PYCR1: variants seen among roughly 807,000 people sequenced by gnomAD.
PYCR1 encodes the protein pyrroline-5-carboxylate reductase 1, mitochondrial.
In PYCR1, 19 loss-of-function variants were observed where a neutral mutation model predicts 22.9. The ratio of observed to expected loss-of-function variants is 0.83; its 90% confidence interval spans 0.58 to 1.22. The LOEUF is 1.22. PYCR1 is among the 50% of genes most tolerant of loss of function. The probability of loss-of-function intolerance (pLI) is 0.00; values close to 1 mark genes in which losing one functional copy is unlikely to be tolerated. For missense variants in PYCR1, 429 were observed against 431.3 expected, an observed-to-expected ratio of 0.99 and a Z score of 0.05; for synonymous variants, 175 against 180.5, an observed-to-expected ratio of 0.97 and a Z score of 0.24.
At position 81,932,970 on chromosome 17, in the gene PYCR1, TG is replaced by T. The variant is rs747011017; in HGVS notation, c.*243del. The T allele has an allele frequency of 9.3e-6, 15 of 1,609,994 alleles. No homozygotes were observed. In the East Asian group the frequency reaches 3.3e-4, roughly 36 times the overall value. ...GCTCTAGAGGAAGGTGGTCCTGACA[TG>T]GTTTGGGAGCAGAGAAGAAAGGAGG... On this transcript the variant is annotated 3_prime_UTR_variant, in exon 7 of 7. Transcript: ENST00000329875.
chr17:81,934,464 G>A lies in PYCR1; in HGVS notation c.659C>T (p.Ser220Leu). The change falls in exon 6 of 7, where the codon TCA (serine) becomes TTA (leucine). Residue 220 changes from serine to leucine, a missense_variant. Coordinates refer to ENST00000329875, the MANE Select transcript of PYCR1 (RefSeq NM_006907.4). The stretch of plus-strand genomic sequence containing the variant: ...CTTGAGCTGGCCTGGGTGCTGTTCT[G>A]AGTGCAGCAGCATCTTGGCAGCCCC... ...LLGAAKMLLH[S>L]EQHPGQLKDN... is the part of the protein sequence containing the mutation. 1.9e-6 allele frequency: 3 copies of A among 1,608,352 alleles called. No individual in the cohort carries two copies. The highest frequency in any genetic ancestry group is 2.5e-6 in the Non-Finnish European group (3 of 1,178,400).
Position 81,937,244 on chromosome 17 carries a change from T to C in PYCR1, c.-430A>G. On this transcript the variant is annotated 5_prime_UTR_variant, in exon 1 of 7. Coordinates refer to ENST00000329875, the MANE Select transcript of PYCR1 (RefSeq NM_006907.4). ...GAGCCCGACCCCAACCCAGCTACCG[T>C]GCGCGGGTCGTACCCACCCCTCAGC... 3 of 1,406,686 alleles carry C rather than the reference T, an allele frequency of 2.1e-6. No homozygotes were observed. Among genetic ancestry groups the C allele is most frequent in the East Asian group, 2.9e-5 (1 of 34,878 alleles). The allele number at this position is 1,406,686 out of a possible 1,614,324, so 87.1% of individuals were successfully genotyped here.
chr17:81,937,140 T>C lies in PYCR1; in HGVS notation c.-326A>G. On this transcript the variant is annotated 5_prime_UTR_variant, in exon 1 of 7. Transcript: ENST00000329875. Reference sequence around the variant, plus strand: ...AGAGGGAGGGCCCGGCGCCTAGGGGTCCCCCGTCTGGGTTCCCACCCCGCC... The same window carrying C: ...AGAGGGAGGGCCCGGCGCCTAGGGGCCCCCCGTCTGGGTTCCCACCCCGCC... 1 of 1,429,228 alleles carries C rather than the reference T, an allele frequency of 7.0e-7. No homozygotes were observed. Among genetic ancestry groups the C allele is most frequent in the Non-Finnish European group, 9.1e-7 (1 of 1,096,060 alleles). 88.5% of individuals were successfully genotyped at this position (1,429,228 alleles called of 1,614,324 possible). A position where few individuals can be genotyped will look rare whatever the true frequency, so the allele number is the denominator to read the frequency against.
intron 6 of PYCR1, 124 bp downstream of exon 6, chr17:81,934,202 T>G (rs759978682): frequency 1.0e-5 from 15 of 1,441,002 alleles, no homozygotes; most frequent in Non-Finnish European, 1.3e-5. Flanking sequence ...CCCTGTGTCC[T>G]GCGCAACACT....
In PYCR1 at chr17:81,937,137, G is replaced by A; in HGVS notation, c.-323C>T. 3 of 1,432,028 alleles carry A rather than the reference G, an allele frequency of 2.1e-6. No homozygotes were observed. The highest frequency in any genetic ancestry group is 3.0e-5 in the South Asian group (2 of 67,650). 88.7% of individuals were successfully genotyped at this position (1,432,028 alleles called of 1,614,324 possible). A position where few individuals can be genotyped will look rare whatever the true frequency, so the allele number is the denominator to read the frequency against. ...GGGAGAGGGAGGGCCCGGCGCCTAG[G>A]GGTCCCCCGTCTGGGTTCCCACCCC... is the stretch of plus-strand genomic sequence containing the variant. On this transcript the variant is annotated 5_prime_UTR_variant, in exon 1 of 7. Transcript: ENST00000329875.
chr17:81,934,747 T>C lies in PYCR1; in HGVS notation c.541-2A>G. The C allele has an allele frequency of 6.4e-7, 1 of 1,553,428 alleles. No homozygotes were observed. Among genetic ancestry groups the C allele is most frequent in the Non-Finnish European group, 8.7e-7 (1 of 1,148,554 alleles). ...CAGGGCATCCAGGGCTGTGAATGCCTGTGGGGAGAAGGCACCCTGAGCCTC... is the reference window on the plus strand; with the variant it reads ...CAGGGCATCCAGGGCTGTGAATGCCCGTGGGGAGAAGGCACCCTGAGCCTC... On this transcript the variant is annotated splice_acceptor_variant, in intron 4 of 6. Coordinates refer to ENST00000329875, the MANE Select transcript of PYCR1 (RefSeq NM_006907.4). LOFTEE classifies it high-confidence loss of function.
rs758465263 is a variant in PYCR1, at chr17:81,934,784, TCTC to T, written c.541-42_541-40del. Reference sequence around the variant, plus strand: ...GCACCCTGAGCCTCTCTCCTGGGCTTCTCCTCCTTCCCTTCTGGGCAAGCTCCA... The same window carrying T: ...GCACCCTGAGCCTCTCTCCTGGGCTTCTCCTTCCCTTCTGGGCAAGCTCCA... On this transcript the variant is annotated intron_variant, in intron 4 of 6. Coordinates refer to ENST00000329875, the MANE Select transcript of PYCR1 (RefSeq NM_006907.4). 953 of 1,539,280 alleles carry T rather than the reference TCTC, an allele frequency of 6.2e-4. 2 individuals are homozygous for T. Among genetic ancestry groups the T allele is most frequent in the Non-Finnish European group, 7.6e-4 (867 of 1,136,174 alleles).
chr17:81,934,005 G>C (rs2041075176), intron 6 of PYCR1, among the ~76,000 whole-genome samples: 1 of 152,224 alleles, frequency 6.6e-6, no homozygotes, highest in Non-Finnish European at 1.5e-5. Flanking sequence ...TCCTAATGTG[G>C]CTGGCCACCC....
Position 81,935,026 on chromosome 17 carries a change from C to G in PYCR1, c.440G>C (p.Arg147Thr), listed in dbSNP as rs1219734585. The G allele has an allele frequency of 3.1e-6, 5 of 1,610,322 alleles. No individual in the cohort carries two copies. Among genetic ancestry groups the G allele is most frequent in the African/African-American group, 1.3e-5 (1 of 74,896 alleles). The part of the protein sequence containing the change: ...TGTHAQVEDG[R>T]LMEQLLSSVG... ...GCTGCTCAGCAGCTGCTCCATGAGC[C>G]TCCCGTCCTCCACCTGGGCGTGCGT... is the stretch of plus-strand genomic sequence containing the variant. Residue 147 changes from arginine (R) to threonine (T), a missense_variant, in exon 4 of 7, where the codon AGG becomes ACG. Coordinates refer to ENST00000329875, the MANE Select transcript of PYCR1 (RefSeq NM_006907.4).
In PYCR1 at chr17:81,935,491, T is replaced by G. The variant is rs777125670; in HGVS notation, c.164A>C (p.His55Pro). 1 of 1,611,902 alleles carries G rather than the reference T, an allele frequency of 6.2e-7. No homozygotes were observed. The highest frequency in any genetic ancestry group is 1.1e-5 in the South Asian group (1 of 90,670). The change falls in exon 3 of 7, where the codon CAC becomes CCC. Residue 55 changes from histidine to proline, a missense_variant. Coordinates refer to ENST00000329875, the MANE Select transcript of PYCR1 (RefSeq NM_006907.4). ...ACTGTGCTGCACCGTCTCCTTGTTG[T>G]GGGGTGTCAACTTCACCCCCATCTT... Reference protein sequence around the residue: ...LRKMGVKLTPHNKETVQHSDV... With the variant: ...LRKMGVKLTPPNKETVQHSDV...
rs949276633 is a variant in PYCR1, at chr17:81,932,855, C to G, written c.*359G>C. Reference sequence around the variant, plus strand: ...GGATCCCACCTCTGCTGAGCCTTCACAGAGGGGGTCCTTGACCTTTGCTCT... The same window carrying G: ...GGATCCCACCTCTGCTGAGCCTTCAGAGAGGGGGTCCTTGACCTTTGCTCT... On this transcript the variant is annotated 3_prime_UTR_variant, in exon 7 of 7. Transcript: ENST00000329875. The G allele has an allele frequency of 9.4e-6, 15 of 1,598,562 alleles. No individual in the cohort carries two copies. The highest frequency in any genetic ancestry group is 1.2e-5 in the Non-Finnish European group (14 of 1,173,552).
Position 81,936,776 on chromosome 17 carries a change from A to G in PYCR1, c.39T>C (p.Phe13=), listed in dbSNP as rs546125979. 3.7e-6 allele frequency: 6 copies of G among 1,610,338 alleles called. No homozygotes were observed. The African/African-American group carries it at 6.7e-5, about 18-fold the overall frequency. Reference sequence around the variant, plus strand: ...CTGCTGTGAAGCCCTTGGCCAGGGCAAAAGCCAGCTGGCCAGCGCCGATGA... The same window carrying G: ...CTGCTGTGAAGCCCTTGGCCAGGGCGAAAGCCAGCTGGCCAGCGCCGATGA... The part of the protein sequence containing the change: ...VGFIGAGQLA[F]ALAKGFTAAG... Residue 13 remains phenylalanine, a synonymous_variant, in exon 1 of 7, where the codon TTT becomes TTC. Coordinates refer to ENST00000329875, the MANE Select transcript of PYCR1 (RefSeq NM_006907.4).
Position 81,934,315 on chromosome 17 carries a change from CG to C in PYCR1, c.797+10del, listed in dbSNP as rs2041093004. 6.2e-7 allele frequency: 1 copy of C among 1,612,528 alleles called. No individual in the cohort carries two copies. Among genetic ancestry groups the C allele is most frequent in the Non-Finnish European group, 8.5e-7 (1 of 1,179,934 alleles). ...CTGGAGACCAGGGAAGCGGGCAGCGCGGGGGCCCACCGTGTGCGGATGCAGG... is the reference window on the plus strand; with the variant it reads ...CTGGAGACCAGGGAAGCGGGCAGCGCGGGGCCCACCGTGTGCGGATGCAGG... On this transcript the variant is annotated intron_variant, in intron 6 of 6. Transcript: ENST00000329875.
intron 4 of PYCR1, 22 bp from the exon 5 acceptor site, chr17:81,934,767 A>G (rs1308504762): frequency 6.5e-7 from 1 of 1,545,142 alleles, no homozygotes; most frequent in Non-Finnish European, 8.8e-7. Context: ...AGGCACCCTG[A>G]GCCTCTCTCC....
chr17:81,933,715 G>A (rs140188307), intron 6 of PYCR1, among the ~76,000 whole-genome samples: 3,174 of 152,280 alleles, frequency 0.021, 108 homozygotes, highest in African/African-American at 0.072. Flanking sequence ...GGTGGCACTC[G>A]CAGAGTCTGA....
At position 81,932,994 on chromosome 17, in the gene PYCR1, A is replaced by C. The variant is rs1250051959; in HGVS notation, c.*220T>G. The stretch of plus-strand genomic sequence containing the variant: ...ATGGTTTGGGAGCAGAGAAGAAAGG[A>C]GGTTGAGGTTGGGGAATCCACCCCT... On this transcript the variant is annotated 3_prime_UTR_variant, in exon 7 of 7. Coordinates refer to ENST00000329875, the MANE Select transcript of PYCR1 (RefSeq NM_006907.4). The C allele has an allele frequency of 6.2e-7, 1 of 1,600,198 alleles. No homozygotes were observed. The highest frequency in any genetic ancestry group is 2.3e-5 in the East Asian group (1 of 44,408).
intron 2 of PYCR1, 107 bp downstream of exon 2, chr17:81,936,016 C>A: frequency 7.6e-7 from 1 of 1,312,068 alleles, no homozygotes; most frequent in Non-Finnish European, 1.1e-6. Context: ...AGACCCCAGC[C>A]CAGGGCCCCT....
rs1316023759 is a variant in PYCR1 at position 81,932,995 on chromosome 17, G to A, written c.*219C>T. Reference sequence around the variant, plus strand: ...TGGTTTGGGAGCAGAGAAGAAAGGAGGTTGAGGTTGGGGAATCCACCCCTG... The same window carrying A: ...TGGTTTGGGAGCAGAGAAGAAAGGAAGTTGAGGTTGGGGAATCCACCCCTG... On this transcript the variant is annotated 3_prime_UTR_variant, in exon 7 of 7. Coordinates refer to ENST00000329875, the MANE Select transcript of PYCR1 (RefSeq NM_006907.4). The A allele has an allele frequency of 1.3e-6, 2 of 1,599,480 alleles. No individual in the cohort carries two copies. Among genetic ancestry groups the A allele is most frequent in the African/African-American group, 1.3e-5 (1 of 74,718 alleles).
intron 6 of PYCR1, 121 bp downstream of exon 6, chr17:81,934,205 G>A (rs773797044): frequency 4.8e-6 from 7 of 1,451,952 alleles, no homozygotes; most frequent in Non-Finnish European, 6.6e-6. Flanking sequence ...TGTGTCCTGC[G>A]CAACACTGGG....
Sources: allele counts gnomAD v4.1 joint callset (sites outside exome capture counted in the v4.1 genomes callset), GRCh38; gene constraint gnomAD v4.1.1; transcripts MANE v1.5; gene names NCBI Gene and HGNC (gene_info 2026-07-23, HGNC 2026-07-21).